DST: variants seen among roughly 807,000 people sequenced by gnomAD.
DST encodes dystonin.
A neutral mutation model predicts 875.2 loss-of-function variants in DST; 253 were observed. That is an observed-to-expected ratio of 0.29 (90% CI 0.26 to 0.32). The LOEUF (loss-of-function observed/expected upper bound fraction) is 0.32. Ranked by LOEUF, DST falls within the 10% of genes least tolerant of loss-of-function variation. The pLI is 1.00. For synonymous variants in DST, 3,124 were observed against 3,197.1 expected (o/e 0.98, Z 0.77); for missense variants, 8,287 against 9,111.6 (o/e 0.91, Z 3.68).
At chr6:56,550,045 T>C (rs1473095894) in intron 61 of DST, among the ~76,000 whole-genome samples, 1 of 152,178 alleles carries the variant, frequency 6.6e-6, no homozygotes, top group Non-Finnish European at 1.5e-5. Context: ...TAAATTAAAA[T>C]AGTGCTTGAC....
chr6:56,658,628 G>A (rs1005956475), intron 10 of DST, among the ~76,000 whole-genome samples: 6 of 152,058 alleles, frequency 3.9e-5, no homozygotes, highest in Admixed American at 2.0e-4. Context: ...AAGGGTAATC[G>A]GAGAAGACAA....
At chr6:56,459,930 T>C (rs773695647) in intron 103 of DST, among the ~76,000 whole-genome samples, 1 of 152,172 alleles carries the variant, frequency 6.6e-6, no homozygotes, top group Non-Finnish European at 1.5e-5. Context: ...AGTAATTCTT[T>C]CATCTTTCTT....
At chr6:56,853,217 T>G (rs1285463776) in intron 3 of DST, among the ~76,000 whole-genome samples, 1 of 152,164 alleles carries the variant, frequency 6.6e-6, no homozygotes, top group Non-Finnish European at 1.5e-5. Context: ...TTACAGTCTG[T>G]ATATTTTTCT....
At chr6:56,916,177 G>T (rs1357273109) in intron 2 of DST, among the ~76,000 whole-genome samples, 1 of 152,158 alleles carries the variant, frequency 6.6e-6, no homozygotes, top group African/African-American at 2.4e-5. Context: ...GAGGATCCAT[G>T]AATCAAATCC....
intron 4 of DST, among the ~76,000 whole-genome samples, chr6:56,794,424 T>C (rs907413332): frequency 2.6e-5 from 4 of 151,914 alleles, no homozygotes; most frequent in Admixed American, 1.3e-4. Context: ...GGAAAAGGAG[T>C]TGAGAAGAAC....
chr6:56,509,878 G>A lies in DST; in HGVS notation c.18781-5C>T. 6.4e-7 allele frequency: 1 copy of A among 1,562,996 alleles called. No individual in the cohort carries two copies. On this transcript the variant is annotated splice_polypyrimidine_tract_variant and splice_region_variant and intron_variant, in intron 73 of 103. Transcript: ENST00000680361. ...CTGATCTATCTTGTCATGGAACTAGGGGCAAAACAAAGAGATCTTTTATGG... is the reference window on the plus strand; with the variant it reads ...CTGATCTATCTTGTCATGGAACTAGAGGCAAAACAAAGAGATCTTTTATGG...
intron 10 of DST, among the ~76,000 whole-genome samples, chr6:56,652,625 G>A (rs906367438): frequency 1.3e-5 from 2 of 152,192 alleles, no homozygotes; most frequent in African/African-American, 2.4e-5. Context: ...AAAGCTAAGT[G>A]GCAATTTGTA....
chr6:56,861,936 G>A (rs1050116082), intron 3 of DST: 37 of 152,102 alleles, frequency 2.4e-4, no homozygotes, highest in African/African-American at 8.7e-4. Flanking sequence ...AAAAAGACAA[G>A]GGAACACCTC....
chr6:56,800,884 G>A (rs902397349), intron 4 of DST, among the ~76,000 whole-genome samples: 6 of 151,844 alleles, frequency 4.0e-5, no homozygotes, highest in Non-Finnish European at 7.4e-5. Flanking sequence ...GCCAGGCATG[G>A]TGGCACACAC....
chr6:56,806,168 A>G (rs1284096727), intron 4 of DST, among the ~76,000 whole-genome samples: 1 of 152,242 alleles, frequency 6.6e-6, no homozygotes, highest in East Asian at 1.9e-4. Context: ...TTAAATAAAA[A>G]ATATCATTTT....
At chr6:56,871,210 AC>A in intron 3 of DST, 1 of 762,714 alleles carries the variant, frequency 1.3e-6, no homozygotes. Flanking sequence ...TATTTACTTG[AC>A]CCAGAGAACC....
At chr6:56,495,944 C>T (rs1223651103) in intron 82 of DST, among the ~76,000 whole-genome samples, 25 of 152,032 alleles carry the variant, frequency 1.6e-4, no homozygotes, top group Non-Finnish European at 1.5e-5. Flanking sequence ...AAAATTATTT[C>T]CAAATAAGAG....
At chr6:56,595,827 A>G (rs972440192) in intron 47 of DST, among the ~76,000 whole-genome samples, 3 of 147,832 alleles carry the variant, frequency 2.0e-5, no homozygotes, top group African/African-American at 8.0e-5. Flanking sequence ...GCATGGACAG[A>G]CATATGCAAC....
chr6:56,580,555 AAAATAAAT>A (rs3031091), intron 49 of DST, among the ~76,000 whole-genome samples: 7,075 of 146,582 alleles, frequency 0.048, 517 homozygotes, highest in African/African-American at 0.16. Context: ...CTACTTTCTT[AAAATAAAT>A]AAATAAATAA....
intron 11 of DST, 40 bp downstream of exon 11, chr6:56,651,092 C>A (rs762314536): frequency 4.4e-6 from 7 of 1,589,182 alleles, no homozygotes; most frequent in Non-Finnish European, 6.0e-6. Flanking sequence ...TTTGATCAGA[C>A]TTTCATGCCA....
At chr6:56,746,649 G>A (rs1056929963) in intron 4 of DST, among the ~76,000 whole-genome samples, 4 of 152,146 alleles carry the variant, frequency 2.6e-5, no homozygotes, top group African/African-American at 9.7e-5. Context: ...GCTATAAGGA[G>A]AGAGGTTGGT....
intron 4 of DST, among the ~76,000 whole-genome samples, chr6:56,831,157 T>C (rs961615252): frequency 1.3e-5 from 2 of 152,192 alleles, no homozygotes; most frequent in Non-Finnish European, 2.9e-5. Context: ...CTACACCATA[T>C]TAAGAGTGTC....
intron 79 of DST, 96 bp from the exon 80 acceptor site, chr6:56,501,331 T>G (rs1226623996): frequency 1.5e-6 from 2 of 1,358,004 alleles, no homozygotes; most frequent in Admixed American, 2.9e-5. Flanking sequence ...TCATGTTGTA[T>G]AAGTCCATAA....
chr6:56,935,004 C>T (rs1812277793), intron 2 of DST, among the ~76,000 whole-genome samples: 1 of 152,058 alleles, frequency 6.6e-6, no homozygotes, highest in African/African-American at 2.4e-5. Flanking sequence ...CCCATACTGT[C>T]ACCCTATCAA....
Sources: allele counts gnomAD v4.1 joint callset (sites outside exome capture counted in the v4.1 genomes callset), GRCh38; gene constraint gnomAD v4.1.1; transcripts MANE v1.5; gene names NCBI Gene and HGNC (gene_info 2026-07-23, HGNC 2026-07-21).